The following KDM4B variants were observed in gnomAD, a reference collection of about 807,000 sequenced individuals.
KDM4B encodes the protein lysine-specific demethylase 4B.
A neutral mutation model predicts 125.2 loss-of-function variants in KDM4B; 32 were observed. The ratio of observed to expected loss-of-function variants is 0.26; its 90% confidence interval spans 0.19 to 0.34. KDM4B has a LOEUF of 0.34. Ranked by LOEUF, KDM4B falls within the 10% of genes least tolerant of loss-of-function variation. The probability of loss-of-function intolerance (pLI) is 1.00; values close to 1 mark genes in which losing one functional copy is unlikely to be tolerated. For missense variants in KDM4B, 1,190 were observed against 1,577.7 expected (o/e 0.75, Z 4.16); for synonymous variants, 721 against 677.9 (o/e 1.06, Z -0.99).
chr19:5,033,584 A>C (rs1029270307), intron 3 of KDM4B, among the ~76,000 whole-genome samples: 2 of 152,072 alleles, frequency 1.3e-5, no homozygotes, highest in African/African-American at 4.8e-5. Context: ...TGTCTCAAAA[A>C]CCAAGTCAGA....
chr19:5,061,081 C>T (rs1049056644), intron 6 of KDM4B, among the ~76,000 whole-genome samples: 1 of 152,214 alleles, frequency 6.6e-6, no homozygotes, highest in Non-Finnish European at 1.5e-5. Flanking sequence ...TTCCGGAGGG[C>T]CAGTGTGACG....
At chr19:5,089,522 A>G (rs916700616) in intron 9 of KDM4B, among the ~76,000 whole-genome samples, 13 of 152,104 alleles carry the variant, frequency 8.5e-5, no homozygotes, top group African/African-American at 2.7e-4. Context: ...ACTTTAAGGG[A>G]AAAAATAGGC....
chr19:5,047,881 G>T (rs538490217), intron 6 of KDM4B, among the ~76,000 whole-genome samples: 3 of 152,200 alleles, frequency 2.0e-5, no homozygotes, highest in Non-Finnish European at 4.4e-5. Flanking sequence ...AAGCTCCCAG[G>T]CCCCTAGAGC....
At chr19:4,975,750 G>A (rs191225061) in intron 1 of KDM4B, among the ~76,000 whole-genome samples, 5 of 151,544 alleles carry the variant, frequency 3.3e-5, no homozygotes, top group Non-Finnish European at 5.9e-5. Flanking sequence ...ATGCCACCAC[G>A]CTCGACTAAT....
intron 14 of KDM4B, among the ~76,000 whole-genome samples, 198 bp downstream of exon 14, chr19:5,134,259 C>T (rs534708842): frequency 2.2e-4 from 34 of 152,316 alleles, no homozygotes; most frequent in Non-Finnish European, 4.0e-4. Flanking sequence ...AGCTTACTAA[C>T]GTGCCCATGT....
chr19:5,051,892 C>T (rs1034571327), intron 6 of KDM4B, among the ~76,000 whole-genome samples: 3 of 152,224 alleles, frequency 2.0e-5, no homozygotes, highest in African/African-American at 7.2e-5. Flanking sequence ...GATCGCTCCG[C>T]CCACCCTCTC....
At chr19:5,084,911 G>T (rs575274286) in intron 9 of KDM4B, among the ~76,000 whole-genome samples, 1 of 118,676 alleles carries the variant, frequency 8.4e-6, no homozygotes, top group Non-Finnish European at 1.6e-5. Flanking sequence ...TTAATATGTT[G>T]GCCAGGCTGG....
rs1181437406 is a variant in KDM4B at position 5,032,941 on chromosome 19, G to A, written c.51G>A (p.Thr17=). 3.8e-5 allele frequency: 62 copies of A among 1,614,032 alleles called. No homozygotes were observed. The highest frequency in any genetic ancestry group is 4.9e-5 in the Non-Finnish European group (58 of 1,180,026). ...GAQNPSCKIM[T]FRPTMEEFKD... The stretch of plus-strand genomic sequence containing the variant: ...AGAACCCCAGCTGTAAAATCATGAC[G>A]TTTCGCCCAACCATGGAAGAATTTA... The change falls in exon 3 of 23, where the codon ACG becomes ACA. Residue 17 remains threonine (T), a synonymous_variant. Transcript: ENST00000159111.
intron 21 of KDM4B, among the ~76,000 whole-genome samples, chr19:5,148,782 G>A (rs1046863886): frequency 5.9e-5 from 9 of 152,200 alleles, no homozygotes; most frequent in African/African-American, 1.7e-4. Flanking sequence ...CTGGGGCTCC[G>A]ACACTAGGAC....
rs750342101 is a variant in KDM4B at position 5,137,668 on chromosome 19, C to A, written c.2433C>A (p.Thr811=). The A allele has an allele frequency of 1.0e-5, 16 of 1,591,282 alleles. No homozygotes were observed. Among genetic ancestry groups the A allele is most frequent in the Non-Finnish European group, 1.3e-5 (15 of 1,172,594 alleles). ...GAGGAGGTGCGCTGCAGATGACCAC[C>A]GATAGGAGGTGGGTGGCACCGCGCG... ...NLRGGALQMT[T]DRRWIHVICA... The change falls in exon 17 of 23, where the codon ACC becomes ACA. Residue 811 remains threonine, a synonymous_variant. Coordinates refer to ENST00000159111, the MANE Select transcript of KDM4B (RefSeq NM_015015.3).
intron 1 of KDM4B, among the ~76,000 whole-genome samples, chr19:4,981,284 CACCAG>C (rs2034632293): frequency 6.6e-6 from 1 of 152,134 alleles, no homozygotes; most frequent in South Asian, 2.1e-4. Context: ...GAGTCCACCA[CACCAG>C]GGCCCGACGG....
At chr19:4,987,497 G>A (rs2034880029) in intron 1 of KDM4B, among the ~76,000 whole-genome samples, 2 of 152,180 alleles carry the variant, frequency 1.3e-5, no homozygotes, top group South Asian at 4.1e-4. Flanking sequence ...GTTATCTCGG[G>A]GCTGGCATGT....
chr19:5,106,513 C>T (rs987594902), intron 9 of KDM4B, among the ~76,000 whole-genome samples: 3 of 152,188 alleles, frequency 2.0e-5, no homozygotes, highest in African/African-American at 4.8e-5. Flanking sequence ...GTGATGCTGA[C>T]GCACCCTCCT....
chr19:5,026,615 G>A (rs141761753), intron 2 of KDM4B, among the ~76,000 whole-genome samples: 1,897 of 152,270 alleles, frequency 0.012, 36 homozygotes, highest in African/African-American at 0.043. Flanking sequence ...TTTGCTCAGC[G>A]GAGGAGGATT....
chr19:5,020,362 G>A (rs566471266), intron 2 of KDM4B, among the ~76,000 whole-genome samples: 2 of 152,114 alleles, frequency 1.3e-5, no homozygotes, highest in African/African-American at 4.8e-5. Flanking sequence ...TGCAGGTGCT[G>A]CTGTGGACAT....
intron 5 of KDM4B, among the ~76,000 whole-genome samples, chr19:5,046,475 C>T (rs913370940): frequency 6.6e-6 from 1 of 152,292 alleles, no homozygotes; most frequent in South Asian, 2.1e-4. Context: ...GAGGGCCGGT[C>T]GTGCAGGTGC....
intron 14 of KDM4B, 43 bp from the exon 15 acceptor site, chr19:5,135,296 C>T (rs539306802): frequency 7.1e-5 from 102 of 1,431,416 alleles, no homozygotes; most frequent in Non-Finnish European, 9.4e-5. Context: ...CCCGCCTGCC[C>T]CACACATGGC....
In KDM4B at chr19:4,996,769, T is replaced by A. The variant is rs565251513; in HGVS notation, c.-108-19488T>A. ...TTGCCAGTTCATAGCCTTTGCCTGC[T>A]TGTTGATTTGGTATGTTTTTTTTCT... On this transcript the variant is annotated intron_variant, in intron 1 of 22. Transcript: ENST00000159111. 4.3e-4 allele frequency among the ~76,000 whole-genome samples: 65 copies of A among 152,308 alleles called. 1 individual carries two copies. The South Asian group carries it at 0.012, about 28-fold the overall frequency.
At chr19:5,098,584 C>T (rs1258232769) in intron 9 of KDM4B, among the ~76,000 whole-genome samples, 3 of 152,120 alleles carry the variant, frequency 2.0e-5, no homozygotes, top group Admixed American at 2.0e-4. Flanking sequence ...AGAAAGGTGC[C>T]ATGGACTGAA....
Sources: gnomAD v4.1 joint callset for allele counts (sites outside exome capture counted in the v4.1 genomes callset) on GRCh38, gnomAD v4.1.1 for gene constraint, MANE v1.5 for transcripts, NCBI Gene and HGNC (gene_info 2026-07-23, HGNC 2026-07-21) for gene names.